The following LINGO2 variants were observed in gnomAD, a reference collection of about 807,000 sequenced individuals.
LINGO2 encodes the protein leucine rich repeat and Ig domain containing 2.
Under a neutral mutation model 30.6 loss-of-function variants are expected in LINGO2, and 14 were observed. The observed-to-expected ratio is 0.46, with a 90% CI of 0.30 to 0.72. The LOEUF is 0.72. LINGO2 is among the 30% of genes least tolerant of loss of function. The pLI, the probability that LINGO2 is intolerant of heterozygous loss-of-function variation, is 0.07. For synonymous variants in LINGO2, 317 were observed against 288.5 expected, an observed-to-expected ratio of 1.10 and a Z score of -1.00; for missense variants, 729 against 751.7, an observed-to-expected ratio of 0.97 and a Z score of 0.35.
intron 2 of LINGO2, among the ~76,000 whole-genome samples, chr9:28,420,658 T>C (rs1370927332): frequency 6.6e-6 from 1 of 152,090 alleles, no homozygotes; most frequent in African/African-American, 2.4e-5. Flanking sequence ...TATAGTACCA[T>C]TTGTTCTCTA....
intron 4 of LINGO2, among the ~76,000 whole-genome samples, chr9:28,190,004 A>T (rs1247534950): frequency 6.6e-6 from 1 of 152,136 alleles, no homozygotes; most frequent in Non-Finnish European, 1.5e-5. Context: ...GGTTGCCATT[A>T]ACTGAGGCCT....
the LINGO2 span, among the ~76,000 whole-genome samples, chr9:29,100,435 G>A: frequency 0.44 from 66,151 of 151,588 alleles, 14,660 homozygotes; most frequent in East Asian, 0.54. Context: ...CTCTACTAAA[G>A]ATACAAAAAT....
At chr9:28,257,313 A>G (rs1309826947) in intron 4 of LINGO2, among the ~76,000 whole-genome samples, 1 of 151,864 alleles carries the variant, frequency 6.6e-6, no homozygotes, top group Non-Finnish European at 1.5e-5. Flanking sequence ...CATTTTGTCT[A>G]TATCAGTCAT....
intron 1 of LINGO2, among the ~76,000 whole-genome samples, chr9:28,567,268 T>G (rs1323709656): frequency 1.3e-5 from 2 of 152,072 alleles, no homozygotes; most frequent in African/African-American, 4.8e-5. Flanking sequence ...TAACTACCAT[T>G]TGACCCAGCA....
intron 2 of LINGO2, among the ~76,000 whole-genome samples, chr9:28,374,930 G>T (rs1215223316): frequency 6.6e-6 from 1 of 152,186 alleles, no homozygotes; most frequent in African/African-American, 2.4e-5. Context: ...AAATTAAAAA[G>T]ATAAGGACAA....
chr9:28,151,473 T>A (rs550860429), intron 4 of LINGO2, among the ~76,000 whole-genome samples: 11 of 152,018 alleles, frequency 7.2e-5, no homozygotes, highest in Middle Eastern at 9.3e-3. Flanking sequence ...GGTCATATGA[T>A]ATTTAGATTG....
intron 1 of LINGO2, among the ~76,000 whole-genome samples, chr9:28,565,705 C>A (rs952074813): frequency 1.3e-5 from 2 of 151,594 alleles, no homozygotes; most frequent in Admixed American, 6.6e-5. Flanking sequence ...GCGCCCACCA[C>A]CACGCCCACC....
rs962139976 is a variant in LINGO2 at position 28,086,769 on chromosome 9, C to A, written c.-86-74364G>T. Among the ~76,000 whole-genome samples, 25 of 152,060 alleles carry A rather than the reference C, an allele frequency of 1.6e-4. 1 individual carries two copies. The highest frequency in any genetic ancestry group is 4.8e-4 in the African/African-American group (20 of 41,406). Reference sequence around the variant, plus strand: ...TGGCCACAAACTTATGAGACTTTAACAGAGTCACTCTTTTTATTTTTCACG... The same window carrying A: ...TGGCCACAAACTTATGAGACTTTAAAAGAGTCACTCTTTTTATTTTTCACG... On this transcript the variant is annotated intron_variant, in intron 4 of 5. Transcript: ENST00000379992.
chr9:28,797,347 TATATATATATATAGAGAGAG>T, the LINGO2 span, among the ~76,000 whole-genome samples: 23 of 68,244 alleles, frequency 3.4e-4, no homozygotes, highest in African/African-American at 1.1e-3. Flanking sequence ...TATATATATA[TATATATATATATAGAGAGAG>T]AGAGAGAGAG....
chr9:27,949,455 G>A (rs868744633), exon 6 of LINGO2: 1 of 1,614,072 alleles, frequency 6.2e-7, no homozygotes, highest in African/African-American at 1.3e-5. Context: ...TTTTTTGCAG[G>A]TAAAGTAAAA....
intron 2 of LINGO2, among the ~76,000 whole-genome samples, chr9:28,450,187 A>G (rs533001148): frequency 6.6e-6 from 1 of 152,008 alleles, no homozygotes; most frequent in East Asian, 1.9e-4. Flanking sequence ...CTGAAATGTA[A>G]TCTGTGGACC....
chr9:28,753,830 G>C, the LINGO2 span, among the ~76,000 whole-genome samples: 1 of 152,074 alleles, frequency 6.6e-6, no homozygotes, highest in East Asian at 1.9e-4. Context: ...ACTCCATGGA[G>C]GTGTCATCTG....
intron 1 of LINGO2, among the ~76,000 whole-genome samples, chr9:28,610,639 C>T (rs563574091): frequency 1.3e-5 from 2 of 152,302 alleles, no homozygotes; most frequent in East Asian, 3.9e-4. Context: ...GACACTGAAA[C>T]TGCCAGTTCC....
the LINGO2 span, among the ~76,000 whole-genome samples, chr9:28,887,661 A>T: frequency 1.4e-4 from 21 of 152,230 alleles, no homozygotes; most frequent in African/African-American, 5.1e-4. Flanking sequence ...GTGTGATCAC[A>T]CAGACACAAG....
intron 4 of LINGO2, among the ~76,000 whole-genome samples, chr9:28,216,971 A>C (rs1232579924): frequency 2.0e-5 from 3 of 151,808 alleles, no homozygotes; most frequent in African/African-American, 7.2e-5. Context: ...TATATAAACT[A>C]AACAGAAAAT....
intron 3 of LINGO2, among the ~76,000 whole-genome samples, chr9:28,345,539 G>GTGTT (rs1418915235): frequency 6.6e-6 from 1 of 152,122 alleles, no homozygotes. Context: ...TCATAGTATA[G>GTGTT]TGTTGTTCAT....
At chr9:27,990,911 G>T (rs1307110958) in intron 5 of LINGO2, among the ~76,000 whole-genome samples, 1 of 151,996 alleles carries the variant, frequency 6.6e-6, no homozygotes, top group African/African-American at 2.4e-5. Flanking sequence ...AAAGCAAAGA[G>T]CTGAACTTGC....
At chr9:28,806,916 A>G in the LINGO2 span, among the ~76,000 whole-genome samples, 5 of 152,118 alleles carry the variant, frequency 3.3e-5, no homozygotes, top group South Asian at 1.0e-3. Flanking sequence ...TCATATTAAA[A>G]TTGTTTCTAT....
chr9:29,094,810 G>T, the LINGO2 span, among the ~76,000 whole-genome samples: 1 of 138,484 alleles, frequency 7.2e-6, no homozygotes, highest in African/African-American at 2.7e-5. Flanking sequence ...TTTTAAATGT[G>T]TCTACTAGAC....
Sources: allele counts gnomAD v4.1 joint callset (sites outside exome capture counted in the v4.1 genomes callset), GRCh38; gene constraint gnomAD v4.1.1; transcripts MANE v1.5; gene names NCBI Gene and HGNC (gene_info 2026-07-23, HGNC 2026-07-21).